RAD51B: variants seen among roughly 807,000 people sequenced by gnomAD.
The protein encoded by RAD51B is DNA repair protein RAD51 homolog 2.
RAD51B carries 38 observed loss-of-function variants against 42.2 expected under a neutral mutation model. The observed-to-expected ratio is 0.90, with a 90% CI of 0.70 to 1.18. RAD51B has a LOEUF of 1.18. Among genes scored for constraint, RAD51B ranks in the 50% most tolerant of loss-of-function variants. The pLI, the probability that RAD51B is intolerant of heterozygous loss-of-function variation, is 0.00. For synonymous variants in RAD51B, 154 were observed against 145.2 expected (o/e 1.06, Z -0.43); for missense variants, 373 against 400.7 (o/e 0.93, Z 0.59).
chr14:67,877,215 G>C (rs960616313), intron 5 of RAD51B, among the ~76,000 whole-genome samples: 1 of 152,140 alleles, frequency 6.6e-6, no homozygotes, highest in Non-Finnish European at 1.5e-5. Flanking sequence ...GCATTTTGCA[G>C]CATGATATAA....
chr14:67,955,490 C>CT (rs1451289568), intron 7 of RAD51B, among the ~76,000 whole-genome samples: 1 of 152,168 alleles, frequency 6.6e-6, no homozygotes, highest in Non-Finnish European at 1.5e-5. Context: ...GACACAGTGT[C>CT]TAACTCTTGC....
intron 2 of RAD51B, among the ~76,000 whole-genome samples, chr14:67,824,672 A>G (rs1228354385): frequency 6.6e-6 from 1 of 152,018 alleles, no homozygotes; most frequent in East Asian, 1.9e-4. Context: ...TTATTTGCAT[A>G]TTTATACTCG....
At chr14:68,123,545 C>G (rs144536837) in intron 7 of RAD51B, among the ~76,000 whole-genome samples, 12,624 of 152,008 alleles carry the variant, frequency 0.083, 1,552 homozygotes, top group African/African-American at 0.27. Flanking sequence ...CGGTGGCTCA[C>G]ACCTGTAATC....
At chr14:68,049,411 T>C (rs2076357390) in intron 7 of RAD51B, among the ~76,000 whole-genome samples, 2 of 152,140 alleles carry the variant, frequency 1.3e-5, no homozygotes, top group African/African-American at 4.8e-5. Context: ...AATCAGTAAC[T>C]TGGATACTTT....
At chr14:67,989,227 T>C (rs2075247187) in intron 7 of RAD51B, among the ~76,000 whole-genome samples, 1 of 152,280 alleles carries the variant, frequency 6.6e-6, no homozygotes, top group South Asian at 2.1e-4. Flanking sequence ...TCTATTATTC[T>C]GTGACGTCTT....
intron 7 of RAD51B, among the ~76,000 whole-genome samples, chr14:68,139,459 T>A (rs1427162816): frequency 6.6e-6 from 1 of 152,250 alleles, no homozygotes; most frequent in Non-Finnish European, 1.5e-5. Context: ...AGGCTTTGCC[T>A]TATTAACAGC....
intron 7 of RAD51B, among the ~76,000 whole-genome samples, chr14:67,906,373 G>C (rs2043781687): frequency 6.6e-6 from 1 of 151,986 alleles, no homozygotes; most frequent in Non-Finnish European, 1.5e-5. Flanking sequence ...TTGTGTCTCT[G>C]CCAAGTATTG....
rs72725193 is a variant in RAD51B, at chr14:68,104,961, A to G, written c.757-186923A>G. 6.9e-3 allele frequency among the ~76,000 whole-genome samples: 1,050 copies of G among 152,258 alleles called. 2 individuals are homozygous for G. Among genetic ancestry groups the G allele is most frequent in the Non-Finnish European group, 0.011 (725 of 67,984 alleles). ...TTATACTTTACTAGTTTTCTTAAGA[A>G]TACAGATGTAAATAGGCTGTTAAGT... On this transcript the variant is annotated intron_variant, in intron 7 of 10. Transcript: ENST00000471583.
intron 7 of RAD51B, among the ~76,000 whole-genome samples, chr14:68,123,344 T>C (rs1305647272): frequency 6.6e-6 from 1 of 152,004 alleles, no homozygotes; most frequent in Non-Finnish European, 1.5e-5. Context: ...TGTACCACCA[T>C]ATCTGACTAA....
chr14:68,456,120 C>T (rs1254206106), intron 9 of RAD51B, among the ~76,000 whole-genome samples: 1 of 152,060 alleles, frequency 6.6e-6, no homozygotes, highest in Non-Finnish European at 1.5e-5. Context: ...TAGAAAAATA[C>T]CTAACACAAA....
At chr14:68,096,802 T>C (rs2077203726) in intron 7 of RAD51B, among the ~76,000 whole-genome samples, 1 of 146,198 alleles carries the variant, frequency 6.8e-6, no homozygotes, top group African/African-American at 2.8e-5. Context: ...AAGGAATAAA[T>C]GATATGTGTG....
chr14:67,987,512 T>C (rs1225468972), intron 7 of RAD51B, among the ~76,000 whole-genome samples: 2 of 152,218 alleles, frequency 1.3e-5, no homozygotes, highest in East Asian at 3.9e-4. Context: ...CTGTTACTTA[T>C]TTGTAAAGGT....
At chr14:68,388,096 T>TA (rs33934376) in intron 8 of RAD51B, among the ~76,000 whole-genome samples, 2,393 of 90,966 alleles carry the variant, frequency 0.026, 60 homozygotes, top group African/African-American at 0.11. Flanking sequence ...ATATATATAT[T>TA]TTTTTTTTTT....
intron 8 of RAD51B, among the ~76,000 whole-genome samples, chr14:68,380,862 C>A (rs1250541574): frequency 6.6e-6 from 1 of 152,176 alleles, no homozygotes; most frequent in Non-Finnish European, 1.5e-5. Flanking sequence ...CATAAGGCAA[C>A]CTTCAGTTTA....
chr14:68,210,239 G>A (rs762727813), intron 7 of RAD51B, among the ~76,000 whole-genome samples: 10 of 152,142 alleles, frequency 6.6e-5, no homozygotes, highest in Non-Finnish European at 1.3e-4. Flanking sequence ...GATTACAGGT[G>A]TGAGCCACCG....
intron 11 of RAD51B, among the ~76,000 whole-genome samples, chr14:68,667,956 G>A (rs942521570): frequency 3.1e-4 from 47 of 152,232 alleles, no homozygotes; most frequent in African/African-American, 9.4e-4. Context: ...CATTTTCCCC[G>A]TTGTGAGGCC....
chr14:68,281,991 T>A (rs990941644), intron 7 of RAD51B, among the ~76,000 whole-genome samples: 7 of 152,046 alleles, frequency 4.6e-5, no homozygotes, highest in African/African-American at 1.7e-4. Context: ...TTTTTTTTTT[T>A]TTCTTTTGAG....
At chr14:67,886,960 A>G (rs1311653259) in intron 6 of RAD51B, 61 bp from the exon 7 acceptor site, 2 of 1,111,472 alleles carry the variant, frequency 1.8e-6, no homozygotes, top group Non-Finnish European at 2.5e-6. Flanking sequence ...CCTTTGCAAT[A>G]CCTTTATTTA....
intron 11 of RAD51B, among the ~76,000 whole-genome samples, chr14:68,674,533 G>A (rs1003768264): frequency 1.3e-5 from 2 of 151,724 alleles, no homozygotes; most frequent in Non-Finnish European, 2.9e-5. Flanking sequence ...AACATATAAT[G>A]TTACCAATTT....
Sources: gnomAD v4.1 joint callset for allele counts (sites outside exome capture counted in the v4.1 genomes callset) on GRCh38, gnomAD v4.1.1 for gene constraint, MANE v1.5 for transcripts, NCBI Gene and HGNC (gene_info 2026-07-23, HGNC 2026-07-21) for gene names.